PRKG1: variants seen among roughly 807,000 people sequenced by gnomAD.
PRKG1 encodes cGMP-dependent protein kinase 1.
In PRKG1, 35 loss-of-function variants were observed where a neutral mutation model predicts 88.1. The ratio of observed to expected loss-of-function variants is 0.40; its 90% CI spans 0.30 to 0.53. The LOEUF is 0.53. Among genes scored for constraint, PRKG1 ranks in the 20% least tolerant of loss-of-function variants. The pLI is 0.59. For missense variants in PRKG1, 540 were observed against 839.8 expected (o/e 0.64, Z 4.41); for synonymous variants, 303 against 292.5 (o/e 1.04, Z -0.37).
At chr10:51,937,370 CT>C (rs1424357889) in intron 5 of PRKG1, among the ~76,000 whole-genome samples, 1 of 151,952 alleles carries the variant, frequency 6.6e-6, no homozygotes, top group Non-Finnish European at 1.5e-5. Flanking sequence ...CAATGTTGGC[CT>C]GTTTTGAATG....
At chr10:51,771,945 A>T (rs1190935052) in intron 3 of PRKG1, among the ~76,000 whole-genome samples, 1 of 152,222 alleles carries the variant, frequency 6.6e-6, no homozygotes, top group African/African-American at 2.4e-5. Flanking sequence ...CTTGAAAAAA[A>T]TAAAGCAATT....
At chr10:51,416,337 C>T (rs1319753290) in intron 2 of PRKG1, among the ~76,000 whole-genome samples, 6 of 152,074 alleles carry the variant, frequency 3.9e-5, no homozygotes, top group Admixed American at 1.3e-4. Flanking sequence ...ATTTTGTTAC[C>T]TAATTTAAAG....
At chr10:52,035,316 T>C (rs1234818362) in intron 5 of PRKG1, among the ~76,000 whole-genome samples, 1 of 152,070 alleles carries the variant, frequency 6.6e-6, no homozygotes, top group Non-Finnish European at 1.5e-5. Context: ...GCTTGGTGTG[T>C]AGGGAAGGAA....
intron 5 of PRKG1, among the ~76,000 whole-genome samples, chr10:52,043,408 A>T (rs1426958626): frequency 6.6e-6 from 1 of 152,144 alleles, no homozygotes; most frequent in Admixed American, 6.6e-5. Context: ...AAATCCTGGC[A>T]TTTGTGACAA....
At chr10:51,126,883 T>C (rs1258579061) in intron 1 of PRKG1, among the ~76,000 whole-genome samples, 4 of 152,136 alleles carry the variant, frequency 2.6e-5, no homozygotes, top group Non-Finnish European at 4.4e-5. Context: ...AGTTAATAAA[T>C]GGTGCTGGGA....
chr10:51,022,183 G>A (rs1843147242), intron 1 of PRKG1, among the ~76,000 whole-genome samples: 1 of 152,146 alleles, frequency 6.6e-6, no homozygotes, highest in Non-Finnish European at 1.5e-5. Context: ...GAACATTGGA[G>A]CAGTTCCTCC....
intron 4 of PRKG1, among the ~76,000 whole-genome samples, chr10:51,871,059 T>C (rs1427008093): frequency 2.0e-5 from 3 of 152,232 alleles, no homozygotes; most frequent in Non-Finnish European, 1.5e-5. Context: ...CAACTGGTCT[T>C]CTAATCCTTG....
chr10:51,067,718 A>T (rs1157031746), intron 1 of PRKG1, among the ~76,000 whole-genome samples: 1 of 152,084 alleles, frequency 6.6e-6, no homozygotes, highest in Admixed American at 6.5e-5. Flanking sequence ...GACTCTAGAC[A>T]GACACTATTT....
At chr10:51,770,503 T>C (rs1435638804) in intron 3 of PRKG1, among the ~76,000 whole-genome samples, 1 of 152,190 alleles carries the variant, frequency 6.6e-6, no homozygotes, top group African/African-American at 2.4e-5. Flanking sequence ...ACCCAACCCC[T>C]GGGCCACAGG....
intron 3 of PRKG1, among the ~76,000 whole-genome samples, chr10:51,619,997 T>C (rs1394420641): frequency 6.6e-6 from 1 of 152,134 alleles, no homozygotes; most frequent in African/African-American, 2.4e-5. Flanking sequence ...CCATGATAAT[T>C]TGAATTCATT....
chr10:51,908,734 A>ATATATATATATTTT lies in PRKG1; in HGVS notation c.762+1165_762+1166insATATATATATTTTT, dbSNP rs563212069. 138 of 52,192 alleles carry ATATATATATATTTT rather than the reference A, an allele frequency of 2.6e-3. 2 individuals carry two copies. The highest frequency in any genetic ancestry group is 7.0e-3 in the African/African-American group (121 of 17,342). 3.2% of individuals were successfully genotyped at this position (52,192 alleles called of 1,614,324 possible). ...CTCTCTGTCTATCTATCTATATGTAATTTTTTTTTTTTTGAGACAGTGTCT... is the reference window on the plus strand; with the variant it reads ...CTCTCTGTCTATCTATCTATATGTAATATATATATATTTTTTTTTTTTTTTTTGAGACAGTGTCT... On this transcript the variant is annotated intron_variant, in intron 5 of 17. Coordinates refer to ENST00000373980, the MANE Select transcript of PRKG1 (RefSeq NM_006258.4).
intron 2 of PRKG1, among the ~76,000 whole-genome samples, chr10:51,167,982 T>G (rs1846594856): frequency 6.6e-6 from 1 of 152,194 alleles, no homozygotes; most frequent in Non-Finnish European, 1.5e-5. Context: ...TTGTTTTACA[T>G]ACATCAGATT....
chr10:52,117,164 C>CTCTGTGTG (rs370059457), intron 7 of PRKG1, among the ~76,000 whole-genome samples: 2 of 139,200 alleles, frequency 1.4e-5, no homozygotes, highest in Non-Finnish European at 3.1e-5. Flanking sequence ...TGTGAAATAT[C>CTCTGTGTG]TGTGTGTGTG....
At chr10:52,092,546 C>T (rs897406221) in intron 7 of PRKG1, among the ~76,000 whole-genome samples, 2 of 152,144 alleles carry the variant, frequency 1.3e-5, no homozygotes, top group African/African-American at 4.8e-5. Context: ...ACCTTACCCC[C>T]TTCAGCATAG....
chr10:51,353,488 AG>A (rs35826392), intron 2 of PRKG1, among the ~76,000 whole-genome samples: 9,911 of 152,230 alleles, frequency 0.065, 462 homozygotes, highest in Middle Eastern at 0.13. Flanking sequence ...AATGGGCAAA[AG>A]ATCTGAATAG....
In PRKG1 at chr10:51,712,735, G is replaced by C. The variant is rs373565433; in HGVS notation, c.593-91850G>C. On this transcript the variant is annotated intron_variant, in intron 3 of 17. Transcript: ENST00000373980. ...CTCCGGAGTAGCTGGGACTATAGGCGCCCGCCACCACGCCCGGCTAATTTT... is the reference window on the plus strand; with the variant it reads ...CTCCGGAGTAGCTGGGACTATAGGCCCCCGCCACCACGCCCGGCTAATTTT... Among the ~76,000 whole-genome samples, 669 of 151,584 alleles carry C rather than the reference G, an allele frequency of 4.4e-3. 2 individuals carry two copies. The highest frequency in any genetic ancestry group is 0.016 in the African/African-American group (648 of 41,350).
Position 51,074,986 on chromosome 10 carries a change from C to T in PRKG1, c.311+85C>T, listed in dbSNP as rs569143296. On this transcript the variant is annotated intron_variant, in intron 1 of 17. Transcript: ENST00000373980. The stretch of plus-strand genomic sequence containing the variant: ...TCTGTATTGTCTGTCGGCCCCCGCC[C>T]CTCCCGCTTGCCATGTCTGTCCTCA... 6.9e-6 allele frequency: 10 copies of T among 1,451,360 alleles called. No individual in the cohort carries two copies. In the South Asian group the frequency reaches 1.3e-4, roughly 19 times the overall value. 89.9% of individuals were successfully genotyped at this position (1,451,360 alleles called of 1,614,324 possible). A position where few individuals can be genotyped will look rare whatever the true frequency, so the allele number is the denominator to read the frequency against.
At chr10:52,113,308 T>G (rs1052365995) in intron 7 of PRKG1, among the ~76,000 whole-genome samples, 3 of 152,176 alleles carry the variant, frequency 2.0e-5, no homozygotes, top group African/African-American at 7.2e-5. Flanking sequence ...TATGTATCAT[T>G]GTATCTGTCT....
chr10:51,956,022 G>T (rs752192403), intron 5 of PRKG1, among the ~76,000 whole-genome samples: 1 of 152,002 alleles, frequency 6.6e-6, no homozygotes, highest in Non-Finnish European at 1.5e-5. Context: ...AGCTACCTTT[G>T]AATCATATTT....
Sources: gnomAD v4.1 joint callset for allele counts (sites outside exome capture counted in the v4.1 genomes callset) on GRCh38, gnomAD v4.1.1 for gene constraint, MANE v1.5 for transcripts, NCBI Gene and HGNC (gene_info 2026-07-23, HGNC 2026-07-21) for gene names.